The following UBA2 variants were observed in gnomAD, a reference collection of about 807,000 sequenced individuals.
UBA2 encodes the protein SUMO-activating enzyme subunit 2.
Under a neutral mutation model 77.2 loss-of-function variants are expected in UBA2, and 11 were observed. The observed-to-expected ratio is 0.14, with a 90% CI of 0.09 to 0.24. The LOEUF (loss-of-function observed/expected upper bound fraction) is 0.24. Among genes scored for constraint, UBA2 ranks in the 10% least tolerant of loss-of-function variants. UBA2 has a pLI of 1.00. For synonymous variants in UBA2, 278 were observed against 276.7 expected (o/e 1.00, Z -0.05); for missense variants, 487 against 781.7 (o/e 0.62, Z 4.50).
At chr19:34,431,044 TC>T (rs1303167245) in intron 2 of UBA2, among the ~76,000 whole-genome samples, 1 of 152,062 alleles carries the variant, frequency 6.6e-6, no homozygotes, top group African/African-American at 2.4e-5. Context: ...TTTTTAGTGT[TC>T]CTTGGTGATT....
At chr19:34,467,074 C>T (rs2075695969) in intron 16 of UBA2, 60 bp downstream of exon 16, 29 of 1,579,522 alleles carry the variant, frequency 1.8e-5, no homozygotes, top group Non-Finnish European at 2.3e-5. Flanking sequence ...TAAAAACAAA[C>T]TGATTATTAG....
chr19:34,444,056 T>G (rs866967681), intron 7 of UBA2, 145 bp downstream of exon 7: 21,171 of 455,246 alleles, frequency 0.047, 574 homozygotes, highest in Admixed American at 0.11. Context: ...TTTTTTTTTT[T>G]TTTTTTTTTT....
intron 16 of UBA2, 29 bp from the exon 17 acceptor site, chr19:34,469,011 T>A (rs755235644): frequency 1.3e-6 from 2 of 1,573,742 alleles, no homozygotes; most frequent in Non-Finnish European, 1.7e-6. Flanking sequence ...CTTTTACCCA[T>A]TTTCTTTTTC....
chr19:34,444,044 G>GTTTTTTTTTTTTTTT lies in UBA2; in HGVS notation c.649+143_649+157dup, dbSNP rs35028159. On this transcript the variant is annotated intron_variant, in intron 7 of 16. Coordinates refer to ENST00000246548, the MANE Select transcript of UBA2 (RefSeq NM_005499.3). ...TGTGTTTAACATGTGTTTTTTTTTT[G>GTTTTTTTTTTTTTTT]TTTTTTTTTTTTTTTTTTTTTTTTG... 1.9e-4 allele frequency: 34 copies of GTTTTTTTTTTTTTTT among 175,806 alleles called. 1 individual carries two copies. The highest frequency in any genetic ancestry group is 5.3e-4 in the African/African-American group (12 of 22,670). 10.9% of individuals were successfully genotyped at this position (175,806 alleles called of 1,614,324 possible).
intron 5 of UBA2, 37 bp downstream of exon 5, chr19:34,435,005 T>C (rs766265280): frequency 5.2e-6 from 7 of 1,352,896 alleles, no homozygotes; most frequent in Middle Eastern, 1.9e-4. Flanking sequence ...TTCCCAAATA[T>C]TTATTTGAGA....
intron 12 of UBA2, among the ~76,000 whole-genome samples, chr19:34,458,200 TATATA>T (rs1488597393): frequency 2.0e-5 from 3 of 152,186 alleles, no homozygotes; most frequent in East Asian, 3.9e-4. Context: ...CGCGGAGTCT[TATATA>T]ATACAAGGAG....
At chr19:34,464,558 A>T (rs1229361092) in intron 15 of UBA2, among the ~76,000 whole-genome samples, 17 of 45,200 alleles carry the variant, frequency 3.8e-4, no homozygotes, top group African/African-American at 5.8e-4. Context: ...ACTCCAACTT[A>T]AAAAAAAAAA....
In UBA2 at chr19:34,467,025, C is replaced by T; in HGVS notation, c.1741+11C>T. 6.2e-7 allele frequency: 1 copy of T among 1,607,714 alleles called. No homozygotes were observed. Among genetic ancestry groups the T allele is most frequent in the South Asian group, 1.1e-5 (1 of 90,776 alleles). On this transcript the variant is annotated intron_variant, in intron 16 of 16. Coordinates refer to ENST00000246548, the MANE Select transcript of UBA2 (RefSeq NM_005499.3). Reference sequence around the variant, plus strand: ...CCTCCACCTCCACAGGTGAGTATGGCCCCAGCCAGCAGGTTGTTAAATACC... The same window carrying T: ...CCTCCACCTCCACAGGTGAGTATGGTCCCAGCCAGCAGGTTGTTAAATACC...
chr19:34,463,936 G>A (rs2075659900), intron 14 of UBA2, 90 bp from the exon 15 acceptor site: 1 of 858,146 alleles, frequency 1.2e-6, no homozygotes, highest in Non-Finnish European at 2.0e-6. Context: ...ACACAAATCA[G>A]CCCATAACAG....
chr19:34,432,014 A>T (rs371532954), intron 3 of UBA2, 83 bp downstream of exon 3: 266 of 1,021,252 alleles, frequency 2.6e-4, no homozygotes, highest in African/African-American at 1.0e-3. Flanking sequence ...CAGCTTTTTT[A>T]AAAAAAATGA....
chr19:34,457,197 T>TAC, intron 12 of UBA2, among the ~76,000 whole-genome samples: 1 of 128,804 alleles, frequency 7.8e-6, no homozygotes, highest in Non-Finnish European at 1.6e-5. Flanking sequence ...TATATATATA[T>TAC]ATATATATAT....
At position 34,428,413 on chromosome 19, in the gene UBA2, CGGCTCGT is replaced by C; in HGVS notation, c.-17_-11del. ...GGTTCTCCCGCCTCCGCCTCCGCCG[CGGCTCGT>C]GGTTGTCCCGCCATGGCACTGTCGC... On this transcript the variant is annotated 5_prime_UTR_variant, in exon 1 of 17. Transcript: ENST00000246548. 1 of 1,246,752 alleles carries C rather than the reference CGGCTCGT, an allele frequency of 8.0e-7. No individual in the cohort carries two copies. Among genetic ancestry groups the C allele is most frequent in the African/African-American group, 1.5e-5 (1 of 65,250 alleles). The allele number at this position is 1,246,752 out of a possible 1,614,324, so 77.2% of individuals were successfully genotyped here. A position where few individuals can be genotyped will look rare whatever the true frequency, so the allele number is the denominator to read the frequency against.
chr19:34,428,967 C>T, intron 1 of UBA2: 1 of 986,292 alleles, frequency 1.0e-6, no homozygotes, highest in Non-Finnish European at 1.2e-6. Context: ...GTCGTAACTC[C>T]GAAGTAACGA....
intron 3 of UBA2, among the ~76,000 whole-genome samples, chr19:34,432,526 A>C (rs2075266847): frequency 6.6e-6 from 1 of 151,842 alleles, no homozygotes; most frequent in Non-Finnish European, 1.5e-5. Flanking sequence ...GAGGTACTTA[A>C]CACTTTCTCA....
intron 4 of UBA2, among the ~76,000 whole-genome samples, chr19:34,433,779 G>A (rs1365189006): frequency 2.0e-5 from 3 of 152,144 alleles, no homozygotes; most frequent in African/African-American, 7.2e-5. Context: ...AGTCAACATG[G>A]TGAAACCGTC....
intron 3 of UBA2, 42 bp from the exon 4 acceptor site, chr19:34,433,306 A>C: frequency 7.3e-7 from 1 of 1,372,640 alleles, no homozygotes; most frequent in Non-Finnish European, 1.0e-6. Context: ...ATCATGTGGA[A>C]GGCTAGTTAT....
chr19:34,444,013 G>T, intron 7 of UBA2, 102 bp downstream of exon 7: 1 of 526,560 alleles, frequency 1.9e-6, no homozygotes, highest in Non-Finnish European at 3.4e-6. Flanking sequence ...TATGTGCTAG[G>T]TAATGTGTGT....
chr19:34,458,346 G>A lies in UBA2; in HGVS notation c.1246-423G>A, dbSNP rs542070053. Among the ~76,000 whole-genome samples the A allele has an allele frequency of 1.4e-3, 217 of 151,958 alleles. 4 individuals are homozygous for A. Among genetic ancestry groups the A allele is most frequent in the African/African-American group, 4.9e-3 (205 of 41,458 alleles). On this transcript the variant is annotated intron_variant, in intron 12 of 16. Transcript: ENST00000246548. The stretch of plus-strand genomic sequence containing the variant: ...CGAGGCGGGCGGATCACGAGGTCAG[G>A]AGATCGAGACCATCCTGGCTAACAC...
In UBA2 at chr19:34,460,451, C is replaced by CTTTTT; in HGVS notation, c.1402-9_1402-5dup. 4.0e-6 allele frequency: 5 copies of CTTTTT among 1,241,168 alleles called. No homozygotes were observed. Among genetic ancestry groups the CTTTTT allele is most frequent in the Admixed American group, 2.4e-5 (1 of 41,850 alleles). 76.9% of individuals were successfully genotyped at this position (1,241,168 alleles called of 1,614,324 possible). On this transcript the variant is annotated intron_variant, in intron 13 of 16. Transcript: ENST00000246548. ...ATTACCTACGTTAATATTTTGAATC[C>CTTTTT]TTTTTTTTTTTTTTGTAGATAGTGA...
Sources: gnomAD v4.1 joint callset for allele counts (sites outside exome capture counted in the v4.1 genomes callset) on GRCh38, gnomAD v4.1.1 for gene constraint, MANE v1.5 for transcripts, NCBI Gene and HGNC (gene_info 2026-07-23, HGNC 2026-07-21) for gene names.